GPX2: variants seen among roughly 807,000 people sequenced by gnomAD.
The protein encoded by GPX2 is glutathione peroxidase 2.
A neutral mutation model predicts 14.1 loss-of-function variants in GPX2; 21 were observed. The ratio of observed to expected loss-of-function variants is 1.48; its 90% CI spans 1.05 to 2.14. The LOEUF (loss-of-function observed/expected upper bound fraction) is 2.14. Ranked by LOEUF, GPX2 falls within the 30% of genes most tolerant of loss-of-function variation. The probability of loss-of-function intolerance (pLI) is 0.00; values close to 1 mark genes in which losing one functional copy is unlikely to be tolerated. For missense variants in GPX2, 241 were observed against 249.8 expected (o/e 0.96, Z 0.24); for synonymous variants, 94 against 95.2 (o/e 0.99, Z 0.07).
Position 64,940,122 on chromosome 14 carries a change from T to C in GPX2, c.223-284A>G. 7.1e-7 allele frequency: 1 copy of C among 1,399,532 alleles called. No individual in the cohort carries two copies. Among genetic ancestry groups the C allele is most frequent in the Non-Finnish European group, 9.4e-7 (1 of 1,060,458 alleles). The allele number at this position is 1,399,532 out of a possible 1,614,324, so 86.7% of individuals were successfully genotyped here. Reference sequence around the variant, plus strand: ...TTGTAGAGATGGGGTCTCACTTTGTTGCCCATGCTTTGGCTGCTCTTCAAG... The same window carrying C: ...TTGTAGAGATGGGGTCTCACTTTGTCGCCCATGCTTTGGCTGCTCTTCAAG... On this transcript the variant is annotated intron_variant, in intron 1 of 1. Coordinates refer to ENST00000389614, the MANE Select transcript of GPX2 (RefSeq NM_002083.4). The surrounding 1 kb of genome is among the most constrained non-coding windows in gnomAD (Gnocchi z 4.5).
In GPX2 at chr14:64,942,553, G is replaced by T; in HGVS notation, c.174C>A (p.Pro58=). 1 of 1,614,214 alleles carries T rather than the reference G, an allele frequency of 6.2e-7. No homozygotes were observed. Among genetic ancestry groups the T allele is most frequent in the Admixed American group, 1.7e-5 (1 of 60,026 alleles). The change falls in exon 1 of 2, where the codon CCC becomes CCA. Residue 58 remains proline (P), a synonymous_variant. Transcript: ENST00000389614. ...GGAAGCCAAGGACCACCAGGCGCCTGGGAAAGCGGCATTGCAGCTCGTTGA... is the reference window on the plus strand; with the variant it reads ...GGAAGCCAAGGACCACCAGGCGCCTTGGAAAGCGGCATTGCAGCTCGTTGA... ...TQLNELQCRF[P]RRLVVLGFPC... is the part of the protein sequence containing the mutation.
At chr14:64,941,176 G>C in intron 1 of GPX2, 1 of 269,322 alleles carries the variant, frequency 3.7e-6, no homozygotes, top group South Asian at 3.3e-5. Context: ...AGGCGATCCT[G>C]CTACTTCAGC....
At position 64,939,584 on chromosome 14, in the gene GPX2, T is replaced by C; in HGVS notation, c.477A>G (p.Ile159Met). The C allele has an allele frequency of 1.9e-6, 3 of 1,614,134 alleles. No homozygotes were observed. The highest frequency in any genetic ancestry group is 2.5e-6 in the Non-Finnish European group (3 of 1,180,032). ...GTCGGAAGGGCTCTCCCTCCGGCCC[T>C]ATGAGGAACTTCTCAAAGTTCCAGG... Reference protein sequence around the residue: ...DVAWNFEKFLIGPEGEPFRRY... With the variant: ...DVAWNFEKFLMGPEGEPFRRY... The change falls in exon 2 of 2, where the codon ATA (isoleucine) becomes ATG (methionine). Residue 159 changes from isoleucine to methionine, a missense_variant. By Grantham distance (10) the Ile-to-Met change is conservative. Coordinates refer to ENST00000389614, the MANE Select transcript of GPX2 (RefSeq NM_002083.4). This position sits in a 1 kb window ranked among gnomAD's most constrained non-coding sequence, Gnocchi z 5.7.
rs2139938204 is a variant in GPX2 at position 64,939,493 on chromosome 14, TG to T, written c.567del (p.Ile190TyrfsTer?). On this transcript the variant is annotated frameshift_variant, in exon 2 of 2. Transcript: ENST00000389614. LOFTEE classifies it high-confidence loss of function. This position sits in a 1 kb window ranked among gnomAD's most constrained non-coding sequence, Gnocchi z 5.7. Reference protein sequence around the residue: ...EPDIKRLLKVAI With the variant: ...EPDIKRLLKVXI ...GTGTGTTGAGCAGTTCACATCTATA[TG>T]GCAACTTTAAGGAGGCGCTTGATGT... is the stretch of plus-strand genomic sequence containing the variant. 6.2e-7 allele frequency: 1 copy of T among 1,613,128 alleles called. No individual in the cohort carries two copies. The highest frequency in any genetic ancestry group is 2.2e-5 in the East Asian group (1 of 44,870).
rs1194717398 is a variant in GPX2, at chr14:64,942,722, G to A, written c.5C>T (p.Ala2Val). 4 of 1,613,268 alleles carry A rather than the reference G, an allele frequency of 2.5e-6. No individual in the cohort carries two copies. The highest frequency in any genetic ancestry group is 3.3e-5 in the Admixed American group (2 of 59,962). The change falls in exon 1 of 2, where the codon GCT (alanine) becomes GTT (valine). Residue 2 changes from alanine to valine, a missense_variant. By Grantham distance (64) the Ala-to-Val change is moderately conservative. Transcript: ENST00000389614. Reference sequence around the variant, plus strand: ...GTCATAGAAGGACTTGGCAATGAAAGCCATGGTGAAGCGCAGAGTGAGCCC... The same window carrying A: ...GTCATAGAAGGACTTGGCAATGAAAACCATGGTGAAGCGCAGAGTGAGCCC... M[A>V]FIAKSFYDLS...
intron 1 of GPX2, among the ~76,000 whole-genome samples, chr14:64,941,011 A>G (rs942844083): frequency 2.6e-5 from 4 of 152,236 alleles, no homozygotes; most frequent in Non-Finnish European, 5.9e-5. Context: ...AGTCAGTTCC[A>G]GGCCATCATG....
chr14:64,941,418 G>C, intron 1 of GPX2: 1 of 1,287,350 alleles, frequency 7.8e-7, no homozygotes, highest in Non-Finnish European at 1.0e-6. Context: ...GTAGGTTATA[G>C]ACTCCCTCCA....
At position 64,939,273 on chromosome 14, in the gene GPX2, A is replaced by G; in HGVS notation, c.*215T>C. ...GTGCCATCATTCTGTGAAGGCCCAG[A>G]GCTTACCCAAGTCTTGGAGCCCAAG... On this transcript the variant is annotated 3_prime_UTR_variant, in exon 2 of 2. Transcript: ENST00000389614. This position sits in a 1 kb window ranked among gnomAD's most constrained non-coding sequence, Gnocchi z 5.7. 1.8e-6 allele frequency: 1 copy of G among 569,368 alleles called. No individual in the cohort carries two copies. The highest frequency in any genetic ancestry group is 2.1e-5 in the South Asian group (1 of 48,458). The allele number at this position is 569,368 out of a possible 1,614,324, so 35.3% of individuals were successfully genotyped here. A position where few individuals can be genotyped will look rare whatever the true frequency, so the allele number is the denominator to read the frequency against.
chr14:64,942,383 T>A, intron 1 of GPX2, 122 bp downstream of exon 1: 1 of 749,104 alleles, frequency 1.3e-6, no homozygotes, highest in Non-Finnish European at 2.3e-6. Context: ...AAGACCTAGC[T>A]TAACAAAACA....
rs1240141862 is a variant in GPX2 at position 64,941,537 on chromosome 14, C to G, written c.222+968G>C. 4 of 1,286,568 alleles carry G rather than the reference C, an allele frequency of 3.1e-6. No homozygotes were observed. In the African/African-American group the frequency reaches 6.1e-5, roughly 20 times the overall value. 79.7% of individuals were successfully genotyped at this position (1,286,568 alleles called of 1,614,324 possible). On this transcript the variant is annotated intron_variant, in intron 1 of 1. Transcript: ENST00000389614. ...TCTGTCTCTCCTGCTCTAGAAAAGG[C>G]CAGACAGAAAACTTAGGGAAGAACA...
rs1885515820 is a variant in GPX2, at chr14:64,939,786, C to G, written c.275G>C (p.Gly92Ala). 1 of 1,613,998 alleles carries G rather than the reference C, an allele frequency of 6.2e-7. No individual in the cohort carries two copies. Among genetic ancestry groups the G allele is most frequent in the African/African-American group, 1.3e-5 (1 of 74,878 alleles). Reference sequence around the variant, plus strand: ...GGTGAAGGTGGGCTGGTATCCACCCCCAGGACGGACATACTTGAGACTGTT... The same window carrying G: ...GGTGAAGGTGGGCTGGTATCCACCCGCAGGACGGACATACTTGAGACTGTT... ...ILNSLKYVRP[G>A]GGYQPTFTLV... The change falls in exon 2 of 2, where the codon GGG (glycine) becomes GCG (alanine). Residue 92 changes from glycine to alanine, a missense_variant. By Grantham distance (60) the Gly-to-Ala change is moderately conservative (BLOSUM62 0). Transcript: ENST00000389614. The surrounding 1 kb of genome is among the most constrained non-coding windows in gnomAD (Gnocchi z 5.7).
chr14:64,942,658 G>A lies in GPX2; in HGVS notation c.69C>T (p.Phe23=). The A allele has an allele frequency of 1.2e-6, 2 of 1,614,174 alleles. No homozygotes were observed. Among genetic ancestry groups the A allele is most frequent in the East Asian group, 2.2e-5 (1 of 44,886 alleles). The change falls in exon 1 of 2, where the codon TTC becomes TTT. Residue 23 remains phenylalanine (F), a synonymous_variant. Transcript: ENST00000389614. ...AISLDGEKVD[F]NTFRGRAVLI... ...GCACGGCCCTGCCCCGGAACGTATTGAAATCTACCTTCTCCCCATCCAGGC... is the reference window on the plus strand; with the variant it reads ...GCACGGCCCTGCCCCGGAACGTATTAAAATCTACCTTCTCCCCATCCAGGC...
Position 64,940,312 on chromosome 14 carries a change from C to T in GPX2, c.223-474G>A. The T allele has an allele frequency of 1.8e-6, 1 of 555,598 alleles. No homozygotes were observed. Among genetic ancestry groups the T allele is most frequent in the Admixed American group, 2.4e-5 (1 of 42,322 alleles). The allele number at this position is 555,598 out of a possible 1,614,324, so 34.4% of individuals were successfully genotyped here. A position where few individuals can be genotyped will look rare whatever the true frequency, so the allele number is the denominator to read the frequency against. On this transcript the variant is annotated intron_variant, in intron 1 of 1. Coordinates refer to ENST00000389614, the MANE Select transcript of GPX2 (RefSeq NM_002083.4). This position sits in a 1 kb window ranked among gnomAD's most constrained non-coding sequence, Gnocchi z 4.5. ...ACCCATAAATCCATACCTACACACA[C>T]ACCCCTTTCCTTTCCTCTGCCCTGG...
Position 64,940,221 on chromosome 14 carries a change from A to G in GPX2, c.223-383T>C. 1 of 1,286,690 alleles carries G rather than the reference A, an allele frequency of 7.8e-7. No individual in the cohort carries two copies. The highest frequency in any genetic ancestry group is 1.0e-6 in the Non-Finnish European group (1 of 984,264). The allele number at this position is 1,286,690 out of a possible 1,614,324, so 79.7% of individuals were successfully genotyped here. A position where few individuals can be genotyped will look rare whatever the true frequency, so the allele number is the denominator to read the frequency against. ...GTTCTTAAGGTGTTTGAAGCAGAAG[A>G]AAGAGAAAAGAGGCTTAGGTTATAC... On this transcript the variant is annotated intron_variant, in intron 1 of 1. Coordinates refer to ENST00000389614, the MANE Select transcript of GPX2 (RefSeq NM_002083.4). This position sits in a 1 kb window ranked among gnomAD's most constrained non-coding sequence, Gnocchi z 4.5.
intron 1 of GPX2, chr14:64,941,514 T>C (rs1273143977): frequency 4.7e-6 from 6 of 1,288,484 alleles, no homozygotes; most frequent in Non-Finnish European, 6.1e-6. Flanking sequence ...TTGCTACTTC[T>C]GTCTCTCCTG....
Position 64,942,610 on chromosome 14 carries a change from G to C in GPX2, c.117C>G (p.Leu39=). 6.2e-7 allele frequency: 1 copy of C among 1,614,228 alleles called. No homozygotes were observed. The highest frequency in any genetic ancestry group is 8.5e-7 in the Non-Finnish European group (1 of 1,180,032). Reference sequence around the variant, plus strand: ...TGAAGTCCCGGGTGGTTGTGCCTCAGAGCGAAGCCACATTCTCAATCAGCA... The same window carrying C: ...TGAAGTCCCGGGTGGTTGTGCCTCACAGCGAAGCCACATTCTCAATCAGCA... ...RAVLIENVAS[L]UGTTTRDFTQ... is the part of the protein sequence containing the mutation. Residue 39 remains leucine (L), a synonymous_variant, in exon 1 of 2, where the codon CTC becomes CTG. Transcript: ENST00000389614.
chr14:64,940,272 C>T lies in GPX2; in HGVS notation c.223-434G>A. The T allele has an allele frequency of 2.3e-6, 2 of 863,922 alleles. No individual in the cohort carries two copies. The highest frequency in any genetic ancestry group is 2.3e-5 in the Admixed American group (1 of 43,082). 53.5% of individuals were successfully genotyped at this position (863,922 alleles called of 1,614,324 possible). On this transcript the variant is annotated intron_variant, in intron 1 of 1. Transcript: ENST00000389614. This position sits in a 1 kb window ranked among gnomAD's most constrained non-coding sequence, Gnocchi z 4.5. Reference sequence around the variant, plus strand: ...TGCTTAGAACCTCCTCTTCAACTAACCTACCGACCCACCTACCCATAAATC... The same window carrying T: ...TGCTTAGAACCTCCTCTTCAACTAATCTACCGACCCACCTACCCATAAATC...
At chr14:64,942,416 C>A (rs17882875) in intron 1 of GPX2, 89 bp downstream of exon 1, 112,227 of 1,041,096 alleles carry the variant, frequency 0.11, 6,896 homozygotes, top group Non-Finnish European at 0.12. Context: ...CCAGACACTC[C>A]AAAACATGGT....
chr14:64,941,296 GA>G, intron 1 of GPX2: 1 of 1,057,432 alleles, frequency 9.5e-7, no homozygotes, highest in South Asian at 1.7e-5. Context: ...TTGAACTCCT[GA>G]GCTCAAGCAA....
Sources: gnomAD v4.1 joint callset for allele counts (sites outside exome capture counted in the v4.1 genomes callset) on GRCh38, gnomAD v4.1.1 for gene constraint, Gnocchi (gnomAD v3.1) non-coding constraint, MANE v1.5 for transcripts, NCBI Gene and HGNC (gene_info 2026-07-23, HGNC 2026-07-21) for gene names.